MYH7: variants seen among roughly 807,000 people sequenced by gnomAD.
MYH7 encodes myosin heavy chain 7, also known as myosin-7.
A neutral mutation model predicts 225.4 loss-of-function variants in MYH7; 129 were observed. The observed-to-expected ratio is 0.57, with a 90% CI of 0.50 to 0.66. MYH7 has a LOEUF of 0.66. MYH7 is among the 30% of genes least tolerant of loss of function. The pLI is 0.00. For synonymous variants in MYH7, 971 were observed against 1,007.6 expected, an observed-to-expected ratio of 0.96 and a Z score of 0.69; for missense variants, 1,649 against 2,517.0, an observed-to-expected ratio of 0.66 and a Z score of 7.38.
rs574005462 is a variant in MYH7, at chr14:23,419,566, T to C, written c.3770A>G (p.Asn1257Ser). 219 of 1,613,948 alleles carry C rather than the reference T, an allele frequency of 1.4e-4. 4 individuals carry two copies. In the South Asian group the frequency reaches 2.3e-3, roughly 17 times the overall value. The change falls in exon 28 of 40, where the codon AAT (asparagine) becomes AGT (serine). Residue 1257 changes from asparagine (N) to serine (S), a missense_variant. By Grantham distance (46) the Asn-to-Ser change is conservative. This residue lies in a region of MYH7 where 687 missense variants were observed against 913.8 expected (regional missense o/e 0.75). Coordinates refer to ENST00000355349, the MANE Select transcript of MYH7 (RefSeq NM_000257.4). ...KMCRTLEDQM[N>S]EHRSKAEETQ... ...CTCCTCCGCCTTGCTCCGGTGCTCA[T>C]TCATCTGGTCTTCCAAGGTCCGGCA...
chr14:23,415,425 C>T lies in MYH7; in HGVS notation c.5239G>A (p.Glu1747Lys). ...LQTEVEEAVQ[E>K]CRNAEEKAKK... is the part of the protein sequence containing the mutation. Reference sequence around the variant, plus strand: ...GCCTTCTCCTCAGCATTCCTGCACTCCTGCACTGCCTCCTCCACTTCAGTC... The same window carrying T: ...GCCTTCTCCTCAGCATTCCTGCACTTCTGCACTGCCTCCTCCACTTCAGTC... The change falls in exon 36 of 40, where the codon GAG becomes AAG. Residue 1747 changes from glutamate to lysine, a missense_variant. Transcript: ENST00000355349. This position sits in a 1 kb window ranked among gnomAD's most constrained non-coding sequence, Gnocchi z 6.3. 1 of 1,614,236 alleles carries T rather than the reference C, an allele frequency of 6.2e-7. No homozygotes were observed.
Position 23,425,038 on chromosome 14 carries a change from T to TTGAAAGGAG in MYH7, c.2424-23_2424-15dup. On this transcript the variant is annotated splice_polypyrimidine_tract_variant and intron_variant, in intron 21 of 39. Coordinates refer to ENST00000355349, the MANE Select transcript of MYH7 (RefSeq NM_000257.4). The surrounding 1 kb of genome is among the most constrained non-coding windows in gnomAD (Gnocchi z 4.6). ...AGCAGGGAGTCTCTGCAGGGGCCCA[T>TTGAAAGGAG]TGAAAGGAGTGCTGAGCCTCCTGCC... 1 of 1,614,154 alleles carries TTGAAAGGAG rather than the reference T, an allele frequency of 6.2e-7. No individual in the cohort carries two copies. Among genetic ancestry groups the TTGAAAGGAG allele is most frequent in the East Asian group, 2.2e-5 (1 of 44,878 alleles).
intron 24 of MYH7, 86 bp from the exon 25 acceptor site, chr14:23,422,411 A>G: frequency 6.3e-7 from 1 of 1,592,572 alleles, no homozygotes; most frequent in Non-Finnish European, 8.6e-7. Context: ...GACTTGGTAA[A>G]TCTTTGTGTT....
chr14:23,424,951 A>G lies in MYH7; in HGVS notation c.2497T>C (p.Tyr833His), dbSNP rs730880746. 2 of 1,614,216 alleles carry G rather than the reference A, an allele frequency of 1.2e-6. No homozygotes were observed. Among genetic ancestry groups the G allele is most frequent in the Non-Finnish European group, 1.7e-6 (2 of 1,180,032 alleles). ...TTCAGCAGCGGCTTGATCTTGAAGT[A>G]GAGCTTCATCCAGGGCCAATTCTTG... ...GVKNWPWMKL[Y>H]FKIKPLLKSA... Residue 833 changes from tyrosine (Y) to histidine (H), a missense_variant, in exon 22 of 40, where the codon TAC becomes CAC. This residue lies in a region of MYH7 where 10 missense variants were observed against 35.5 expected (regional missense o/e 0.28). Transcript: ENST00000355349.
rs199995198 is a variant in MYH7 at position 23,417,172 on chromosome 14, C to T, written c.4500G>A (p.Arg1500=). 8.1e-6 allele frequency: 13 copies of T among 1,614,026 alleles called. No individual in the cohort carries two copies. In the East Asian group the frequency reaches 2.2e-4, roughly 28 times the overall value. The stretch of plus-strand genomic sequence containing the variant: ...GCACACCCTGCAGGTTTTTGTTCTC[C>T]CGCTTGAAGGTCTCCAGATGTTCCA... ...ESLEHLETFK[R]ENKNLQEEIS... The change falls in exon 32 of 40, where the codon CGG becomes CGA. Residue 1500 remains arginine, a synonymous_variant. Transcript: ENST00000355349.
At chr14:23,413,720 C>G (rs373150382) in intron 39 of MYH7, 39 bp downstream of exon 39, 42 of 1,612,590 alleles carry the variant, frequency 2.6e-5, no homozygotes, top group Non-Finnish European at 2.9e-5. Flanking sequence ...GGTATGCCTG[C>G]TGTGGGGGTG....
rs1892663708 is a variant in MYH7 at position 23,425,633 on chromosome 14, G to GA, written c.2286+61_2286+62insT. 9 of 1,612,008 alleles carry GA rather than the reference G, an allele frequency of 5.6e-6. No individual in the cohort carries two copies. Among genetic ancestry groups the GA allele is most frequent in the Non-Finnish European group, 5.9e-6 (7 of 1,178,752 alleles). On this transcript the variant is annotated intron_variant, in intron 20 of 39. Coordinates refer to ENST00000355349, the MANE Select transcript of MYH7 (RefSeq NM_000257.4). The surrounding 1 kb of genome is among the most constrained non-coding windows in gnomAD (Gnocchi z 4.6). ...TGCTAAGATGATTACAACAGGAAAA[G>GA]CATCAGAGGAGTCAATGGAAAAGAG...
chr14:23,422,123 T>C, intron 25 of MYH7, 57 bp downstream of exon 25: 2 of 1,610,274 alleles, frequency 1.2e-6, no homozygotes, highest in Admixed American at 1.7e-5. Flanking sequence ...GTCTTGGGTC[T>C]GCTTGTACTG....
At chr14:23,421,225 C>T (rs1056358860) in intron 25 of MYH7, among the ~76,000 whole-genome samples, 177 bp from the exon 26 acceptor site, 11 of 152,154 alleles carry the variant, frequency 7.2e-5, no homozygotes, top group African/African-American at 2.7e-4. Flanking sequence ...TGAAATCCAA[C>T]AAGAATGTAA....
chr14:23,433,009 C>G lies in MYH7; in HGVS notation c.345+75G>C. On this transcript the variant is annotated intron_variant, in intron 4 of 39. Coordinates refer to ENST00000355349, the MANE Select transcript of MYH7 (RefSeq NM_000257.4). This position sits in a 1 kb window ranked among gnomAD's most constrained non-coding sequence, Gnocchi z 4.1. Reference sequence around the variant, plus strand: ...ACCCTGCCTAGACACAAACAGAAGACACTCTTGGCTCCTGGGGTGGACATG... The same window carrying G: ...ACCCTGCCTAGACACAAACAGAAGAGACTCTTGGCTCCTGGGGTGGACATG... 1 of 1,604,706 alleles carries G rather than the reference C, an allele frequency of 6.2e-7. No homozygotes were observed. The highest frequency in any genetic ancestry group is 8.5e-7 in the Non-Finnish European group (1 of 1,172,834).
rs1265368591 is a variant in MYH7, at chr14:23,429,344, G to T, written c.1142C>A (p.Ala381Asp). ...CCCCATGAGGTAGGCAGACTTGTCA[G>T]CCTCTGGAAGGAAAAGGCAAGTAGC... ...EQAEPDGTEEADKSAYLMGLN... is the reference protein window; with the variant it reads ...EQAEPDGTEEDDKSAYLMGLN... Residue 381 changes from alanine (A) to aspartate (D), a missense_variant, in exon 13 of 40, where the codon GCT becomes GAT. Around this residue, in one of 12 missense-constraint regions of MYH7, gnomAD observed 76 missense variants for 233.8 expected, o/e 0.33. Transcript: ENST00000355349. The T allele has an allele frequency of 7.4e-6, 12 of 1,614,072 alleles. No homozygotes were observed. The highest frequency in any genetic ancestry group is 1.0e-5 in the Non-Finnish European group (12 of 1,179,896).
At chr14:23,421,766 A>C (rs999179480) in intron 25 of MYH7, 55 of 985,334 alleles carry the variant, frequency 5.6e-5, no homozygotes, top group Non-Finnish European at 6.3e-5. Context: ...TGATCCCCTG[A>C]CTTCTTTAAT....
At position 23,427,666 on chromosome 14, in the gene MYH7, C is replaced by T. The variant is rs1038661561; in HGVS notation, c.1807G>A (p.Glu603Lys). 1.9e-6 allele frequency: 3 copies of T among 1,614,098 alleles called. No individual in the cohort carries two copies. Among genetic ancestry groups the T allele is most frequent in the African/African-American group, 2.7e-5 (2 of 74,920 alleles). The change falls in exon 16 of 40, where the codon GAG becomes AAG. Residue 603 changes from glutamate to lysine, a missense_variant. By Grantham distance (56) the Glu-to-Lys change is moderately conservative. This residue lies in a region of MYH7 where 112 missense variants were observed against 161.9 expected (regional missense o/e 0.69). Transcript: ENST00000355349. ...WLQKNKDPLN[E>K]TVVGLYQKSS... ...TTCTGATACAAGCCCACGACAGTCT[C>T]ATTGAGAGGATCCTTGTTCTTCTGC...
chr14:23,430,668 G>A lies in MYH7; in HGVS notation c.896-5C>T, dbSNP rs756051608. 4 of 1,611,866 alleles carry A rather than the reference G, an allele frequency of 2.5e-6. No individual in the cohort carries two copies. In the Admixed American group the frequency reaches 5.0e-5, roughly 20 times the overall value. On this transcript the variant is annotated splice_polypyrimidine_tract_variant and splice_region_variant and intron_variant, in intron 10 of 39. Coordinates refer to ENST00000355349, the MANE Select transcript of MYH7 (RefSeq NM_000257.4). ...TGTTGGTGATCAGCAGCATGTCTAG[G>A]GGAAAAAACATGGTTAGGGTGGGAC... is the stretch of plus-strand genomic sequence containing the variant.
chr14:23,413,660 T>G (rs1441988738), intron 39 of MYH7, 99 bp downstream of exon 39: 2 of 1,529,830 alleles, frequency 1.3e-6, no homozygotes, highest in Admixed American at 3.7e-5. Flanking sequence ...GGCTCAAGTG[T>G]GTGGAATAAA....
In MYH7 at chr14:23,415,716, G is replaced by C. The variant is rs764844610; in HGVS notation, c.5070C>G (p.Ala1690=). 2.7e-5 allele frequency: 44 copies of C among 1,614,020 alleles called. No individual in the cohort carries two copies. Among genetic ancestry groups the C allele is most frequent in the Non-Finnish European group, 3.3e-5 (39 of 1,180,050 alleles). The part of the protein sequence containing the change: ...LLQAELEELR[A]VVEQTERSRK... ...GGGACCGCTCTGTCTGCTCCACCAC[G>C]GCACGCAACTCCTCCAGCTCAGCCT... The change falls in exon 35 of 40, where the codon GCC becomes GCG. Residue 1690 remains alanine (A), a synonymous_variant. Transcript: ENST00000355349. The surrounding 1 kb of genome is among the most constrained non-coding windows in gnomAD (Gnocchi z 6.3).
At chr14:23,417,857 G>A in intron 30 of MYH7, 171 bp from the exon 31 acceptor site, 3 of 1,032,260 alleles carry the variant, frequency 2.9e-6, no homozygotes, top group Non-Finnish European at 3.0e-6. Context: ...ATCCCAGCAG[G>A]GCGTGGAGAC....
At position 23,431,694 on chromosome 14, in the gene MYH7, G is replaced by A. The variant is rs768581850; in HGVS notation, c.640-17C>T. 1 of 1,614,248 alleles carries A rather than the reference G, an allele frequency of 6.2e-7. No homozygotes were observed. The highest frequency in any genetic ancestry group is 1.1e-5 in the South Asian group (1 of 91,080). ...CAGGGTGCCCTGCAGAGGCCAAGAA[G>A]GAGGCAGGTGAGAGCTCTTCTCCCT... On this transcript the variant is annotated splice_polypyrimidine_tract_variant and intron_variant, in intron 7 of 39. Transcript: ENST00000355349.
rs1893065011 is a variant in MYH7 at position 23,434,264 on chromosome 14, G to A, written c.-64-15C>T. ...CTGCAGGGGACCTGGAGAGAGGGAA[G>A]AGGCTGTGTCAGGGCAGGCTGTGCC... On this transcript the variant is annotated splice_polypyrimidine_tract_variant and intron_variant, in intron 1 of 39. Coordinates refer to ENST00000355349, the MANE Select transcript of MYH7 (RefSeq NM_000257.4). 1.1e-5 allele frequency: 11 copies of A among 1,002,692 alleles called. No homozygotes were observed. Among genetic ancestry groups the A allele is most frequent in the Non-Finnish European group, 1.3e-5 (11 of 839,012 alleles). The allele number at this position is 1,002,692 out of a possible 1,614,324, so 62.1% of individuals were successfully genotyped here.
Sources: allele counts gnomAD v4.1 joint callset (sites outside exome capture counted in the v4.1 genomes callset), GRCh38; gene constraint gnomAD v4.1.1; regional missense constraint gnomAD v4.1.1; non-coding constraint Gnocchi (gnomAD v3.1); transcripts MANE v1.5; gene names NCBI Gene and HGNC (gene_info 2026-07-23, HGNC 2026-07-21).